The following RERE variants were observed in gnomAD, a reference collection of about 807,000 sequenced individuals.
RERE encodes arginine-glutamic acid dipeptide repeats, also known as arginine-glutamic acid dipeptide repeats protein.
Under a neutral mutation model 146.1 loss-of-function variants are expected in RERE, and 40 were observed. The observed-to-expected ratio is 0.27, with a 90% confidence interval of 0.21 to 0.36. The LOEUF (loss-of-function observed/expected upper bound fraction) is 0.36. RERE is among the 10% of genes least tolerant of loss of function. RERE has a pLI of 1.00. For synonymous variants in RERE, 1,003 were observed against 866.0 expected, an observed-to-expected ratio of 1.16 and a Z score of -2.78; for missense variants, 1,933 against 2,138.7, an observed-to-expected ratio of 0.90 and a Z score of 1.90.
intron 4 of RERE, 130 bp from the exon 5 acceptor site, chr1:8,557,653 AC>A (rs1333340057): frequency 1.5e-6 from 1 of 674,782 alleles, no homozygotes; most frequent in Admixed American, 2.5e-5. Flanking sequence ...TACCATCAGG[AC>A]CACAACAATA....
rs868723773 is a variant in RERE, at chr1:8,668,090, C to T, written c.-144-11649G>A. On this transcript the variant is annotated intron_variant, in intron 1 of 22. Coordinates refer to ENST00000400908, the MANE Select transcript of RERE (RefSeq NM_001042681.2). The stretch of plus-strand genomic sequence containing the variant: ...CTACTGCTTTAAACAAATTATTTGC[C>T]TATTGCAGAGATTTCAAAGGGTTAA... Among the ~76,000 whole-genome samples the T allele has an allele frequency of 4.9e-4, 75 of 152,350 alleles. 1 individual carries two copies. Among genetic ancestry groups the T allele is most frequent in the Non-Finnish European group, 3.5e-4 (24 of 68,042 alleles).
chr1:8,638,775 G>GA (rs1194181572), intron 2 of RERE, among the ~76,000 whole-genome samples: 16 of 139,038 alleles, frequency 1.2e-4, no homozygotes, highest in Middle Eastern at 3.7e-3. Flanking sequence ...ACTCATAGAC[G>GA]AAAAAAAATT....
chr1:8,541,041 T>G (rs1645794038), intron 7 of RERE, among the ~76,000 whole-genome samples, 173 bp downstream of exon 7: 1 of 152,162 alleles, frequency 6.6e-6, no homozygotes, highest in South Asian at 2.1e-4. Flanking sequence ...GTCAAAGACA[T>G]TAATTACAAC....
chr1:8,380,550 T>C (rs1041863662), intron 12 of RERE, among the ~76,000 whole-genome samples: 1 of 152,138 alleles, frequency 6.6e-6, no homozygotes, highest in African/African-American at 2.4e-5. Context: ...CGTTTCACCA[T>C]GTTGACCAGG....
chr1:8,415,496 TAATTA>T (rs1643735332), intron 12 of RERE, among the ~76,000 whole-genome samples: 1 of 152,252 alleles, frequency 6.6e-6, no homozygotes, highest in African/African-American at 2.4e-5. Context: ...ACATTTCAAA[TAATTA>T]AAGCATTCTC....
chr1:8,793,157 C>CAAAAAAA (rs1015889392), intron 1 of RERE, among the ~76,000 whole-genome samples: 1 of 49,310 alleles, frequency 2.0e-5, no homozygotes. Context: ...ACTCCATCTC[C>CAAAAAAA]AAAAAAAAAA....
intron 8 of RERE, among the ~76,000 whole-genome samples, chr1:8,506,631 A>G (rs1360618996): frequency 6.6e-6 from 1 of 152,150 alleles, no homozygotes; most frequent in East Asian, 1.9e-4. Context: ...ATCCATTCCA[A>G]CTCAAGTGCT....
intron 1 of RERE, among the ~76,000 whole-genome samples, chr1:8,794,356 T>TAA (rs1641424979): frequency 3.1e-5 from 1 of 32,508 alleles, no homozygotes; most frequent in Non-Finnish European, 5.4e-5. Context: ...AGACTCCGTC[T>TAA]CAAAAAAAAA....
At chr1:8,577,276 G>T (rs973435608) in intron 4 of RERE, among the ~76,000 whole-genome samples, 1 of 151,954 alleles carries the variant, frequency 6.6e-6, no homozygotes, top group African/African-American at 2.4e-5. Flanking sequence ...AACTCACAGG[G>T]TGTTTGTTTA....
intron 10 of RERE, among the ~76,000 whole-genome samples, chr1:8,469,701 C>A (rs1485763205): frequency 1.3e-5 from 2 of 152,130 alleles, no homozygotes; most frequent in Admixed American, 1.3e-4. Flanking sequence ...AACATAAAGC[C>A]CACTCCAAAA....
At chr1:8,723,349 CA>C (rs1472912087) in intron 1 of RERE, among the ~76,000 whole-genome samples, 2 of 152,114 alleles carry the variant, frequency 1.3e-5, no homozygotes, top group Non-Finnish European at 2.9e-5. Flanking sequence ...TATAGAAATG[CA>C]ATTTTTTTCC....
intron 1 of RERE, among the ~76,000 whole-genome samples, chr1:8,663,371 T>C (rs1638497910): frequency 6.6e-6 from 1 of 152,080 alleles, no homozygotes. Flanking sequence ...CAGTAAGACA[T>C]ACTTATATTT....
At chr1:8,798,698 CTT>C (rs1382260278) in intron 1 of RERE, 2 of 153,096 alleles carry the variant, frequency 1.3e-5, no homozygotes, top group Non-Finnish European at 1.4e-5. Flanking sequence ...TCTTTTTTTT[CTT>C]TTTTTTTTTG....
chr1:8,512,456 G>A (rs1011434617), intron 7 of RERE, among the ~76,000 whole-genome samples: 7 of 151,626 alleles, frequency 4.6e-5, no homozygotes, highest in Non-Finnish European at 1.5e-5. Flanking sequence ...ACTGGAGTGT[G>A]TCTTGGTGGT....
intron 1 of RERE, among the ~76,000 whole-genome samples, chr1:8,724,199 T>A (rs1639914442): frequency 6.6e-6 from 1 of 152,238 alleles, no homozygotes; most frequent in Non-Finnish European, 1.5e-5. Context: ...CAACCCTGGA[T>A]ATTTGCATAA....
chr1:8,585,547 G>A (rs998159825), intron 4 of RERE, among the ~76,000 whole-genome samples: 2 of 152,140 alleles, frequency 1.3e-5, no homozygotes, highest in African/African-American at 2.4e-5. Context: ...TACAAGATGA[G>A]GATGGAACAC....
chr1:8,373,641 C>T (rs1191472814), intron 12 of RERE, among the ~76,000 whole-genome samples: 3 of 152,176 alleles, frequency 2.0e-5, no homozygotes, highest in Non-Finnish European at 2.9e-5. Context: ...CTGCATGCGA[C>T]GCTGTCCCCT....
chr1:8,780,906 A>G (rs1641152021), intron 1 of RERE, among the ~76,000 whole-genome samples: 1 of 152,050 alleles, frequency 6.6e-6, no homozygotes, highest in East Asian at 1.9e-4. Flanking sequence ...CACACTCACA[A>G]ACTTTATTAG....
At chr1:8,573,554 C>T (rs1646250136) in intron 4 of RERE, among the ~76,000 whole-genome samples, 1 of 152,096 alleles carries the variant, frequency 6.6e-6, no homozygotes, top group Non-Finnish European at 1.5e-5. Flanking sequence ...TGATAGTAGA[C>T]ATTTGGGTCA....
Sources: gnomAD v4.1 joint callset for allele counts (sites outside exome capture counted in the v4.1 genomes callset) on GRCh38, gnomAD v4.1.1 for gene constraint, MANE v1.5 for transcripts, NCBI Gene and HGNC (gene_info 2026-07-23, HGNC 2026-07-21) for gene names.